Variants in AGMO observed in about 807,000 individuals in gnomAD.
AGMO encodes the protein alkylglycerol monooxygenase.
AGMO carries 75 observed loss-of-function variants against 60.2 expected under a neutral mutation model. The observed-to-expected ratio is 1.25, with a 90% CI of 1.03 to 1.51. AGMO has a LOEUF of 1.51. Among genes scored for constraint, AGMO ranks in the 40% most tolerant of loss-of-function variants. The pLI, the probability that AGMO is intolerant of heterozygous loss-of-function variation, is 0.00. For missense variants in AGMO, 763 were observed against 525.5 expected (o/e 1.45, Z -4.42); for synonymous variants, 261 against 177.1 (o/e 1.47, Z -3.76).
At chr7:15,473,101 C>T (rs1209565229) in intron 3 of AGMO, among the ~76,000 whole-genome samples, 1 of 151,886 alleles carries the variant, frequency 6.6e-6, no homozygotes, top group Non-Finnish European at 1.5e-5. Flanking sequence ...AAACCACAAT[C>T]AAAGAATACT....
chr7:15,195,349 C>T (rs138573715), downstream of AGMO, among the ~76,000 whole-genome samples: 985 of 152,156 alleles, frequency 6.5e-3, 16 homozygotes, highest in African/African-American at 0.023. Context: ...AGATGGGTGC[C>T]CCAGTGGGTC....
chr7:15,543,669 A>G (rs1361826083), intron 3 of AGMO, among the ~76,000 whole-genome samples: 1 of 152,056 alleles, frequency 6.6e-6, no homozygotes, highest in Non-Finnish European at 1.5e-5. Flanking sequence ...TTTAGACTCT[A>G]TCAAGCATAT....
the AGMO span, among the ~76,000 whole-genome samples, chr7:15,184,293 G>GGAGGGAA: frequency 3.4e-5 from 2 of 58,088 alleles, no homozygotes; most frequent in Non-Finnish European, 4.9e-5. Flanking sequence ...AAGGAAGGAA[G>GGAGGGAA]GGAGGCAGGC....
chr7:15,536,272 G>A (rs1784481488), intron 3 of AGMO, among the ~76,000 whole-genome samples: 1 of 151,804 alleles, frequency 6.6e-6, no homozygotes, highest in African/African-American at 2.4e-5. Context: ...AGTACAAAGA[G>A]TTGAACTCAG....
chr7:15,428,710 A>C (rs923132311), intron 4 of AGMO, among the ~76,000 whole-genome samples: 1 of 152,050 alleles, frequency 6.6e-6, no homozygotes, highest in Non-Finnish European at 1.5e-5. Context: ...TCTGAAGTCA[A>C]TGATGCTCTG....
intron 2 of AGMO, among the ~76,000 whole-genome samples, chr7:15,555,170 A>T (rs1226822429): frequency 6.6e-5 from 10 of 151,568 alleles, no homozygotes; most frequent in Non-Finnish European, 1.5e-4. Flanking sequence ...ATTTCTAATA[A>T]TCTTGTTTTA....
intron 12 of AGMO, among the ~76,000 whole-genome samples, chr7:15,349,066 G>A (rs866272425): frequency 6.6e-6 from 1 of 152,082 alleles, no homozygotes; most frequent in African/African-American, 2.4e-5. Flanking sequence ...AACACTTTAT[G>A]AGTACAACAT....
chr7:15,430,194 A>G (rs904744181), intron 4 of AGMO, among the ~76,000 whole-genome samples: 2 of 151,974 alleles, frequency 1.3e-5, no homozygotes, highest in African/African-American at 4.8e-5. Context: ...AGTACCTTGC[A>G]AAGTATTTTG....
rs552935446 is a variant in AGMO, at chr7:15,356,059, G to C, written c.1263+9455C>G. On this transcript the variant is annotated intron_variant, in intron 12 of 12. Transcript: ENST00000342526. ...ACTTAATTTCCCAAATGGACAATAG[G>C]TTAGAAATCTGACAATTACAACTTC... 7.2e-4 allele frequency among the ~76,000 whole-genome samples: 110 copies of C among 152,232 alleles called. 1 individual carries two copies. Among genetic ancestry groups the C allele is most frequent in the African/African-American group, 2.6e-3 (107 of 41,548 alleles).
intron 12 of AGMO, among the ~76,000 whole-genome samples, chr7:15,343,608 T>C (rs1174708857): frequency 6.6e-6 from 1 of 152,192 alleles, no homozygotes; most frequent in Non-Finnish European, 1.5e-5. Flanking sequence ...ATCAAAATTC[T>C]GAATCACATC....
chr7:15,419,160 A>G (rs1713001152), intron 4 of AGMO, among the ~76,000 whole-genome samples: 1 of 151,902 alleles, frequency 6.6e-6, no homozygotes, highest in South Asian at 2.1e-4. Context: ...TGATTGATTG[A>G]TGACATCATA....
chr7:15,195,077 G>A, the AGMO span, among the ~76,000 whole-genome samples: 1 of 152,142 alleles, frequency 6.6e-6, no homozygotes, highest in African/African-American at 2.4e-5. Flanking sequence ...TACAGGGAGA[G>A]CTCCCTTCAG....
chr7:15,142,027 C>A, the AGMO span, among the ~76,000 whole-genome samples: 1 of 152,136 alleles, frequency 6.6e-6, no homozygotes, highest in Non-Finnish European at 1.5e-5. Flanking sequence ...CAGAGTCAAA[C>A]TGCCTGATCC....
rs559087454 is a variant in AGMO, at chr7:15,227,597, T to A, written c.1264-26238A>T. Among the ~76,000 whole-genome samples, 5 of 151,856 alleles carry A rather than the reference T, an allele frequency of 3.3e-5. No homozygotes were observed. In the South Asian group the frequency reaches 1.0e-3, roughly 32 times the overall value. ...TGGCTAAAATCACTTGGGACCAATA[T>A]GGCCAACTGGAGTCTGCACAAAATA... On this transcript the variant is annotated intron_variant, in intron 12 of 12. Coordinates refer to ENST00000342526, the MANE Select transcript of AGMO (RefSeq NM_001004320.2).
intron 3 of AGMO, among the ~76,000 whole-genome samples, chr7:15,456,084 C>T (rs1387761270): frequency 6.6e-6 from 1 of 151,974 alleles, no homozygotes; most frequent in Non-Finnish European, 1.5e-5. Context: ...TTATCTATGT[C>T]TATGTTATTT....
chr7:15,231,698 A>C (rs1256470887), intron 12 of AGMO, among the ~76,000 whole-genome samples: 1 of 152,198 alleles, frequency 6.6e-6, no homozygotes, highest in Non-Finnish European at 1.5e-5. Flanking sequence ...TCTAGGCATT[A>C]CTAAATTATT....
At chr7:15,423,209 T>C (rs1486264437) in intron 4 of AGMO, among the ~76,000 whole-genome samples, 1 of 152,174 alleles carries the variant, frequency 6.6e-6, no homozygotes, top group Admixed American at 6.5e-5. Flanking sequence ...AAAATGTTCA[T>C]CCGAATTCAG....
chr7:15,248,214 A>ATATATATATATATG (rs1402723880), intron 12 of AGMO, among the ~76,000 whole-genome samples: 1,115 of 71,070 alleles, frequency 0.016, 110 homozygotes, highest in Non-Finnish European at 0.025. Context: ...ATATATATAT[A>ATATATATATATATG]TATATATATA....
intron 3 of AGMO, among the ~76,000 whole-genome samples, chr7:15,538,501 T>C (rs1784535161): frequency 6.6e-6 from 1 of 152,150 alleles, no homozygotes; most frequent in Admixed American, 6.6e-5. Context: ...CCCTAGGCGC[T>C]GAGAGTGCTG....
Sources: allele counts gnomAD v4.1 joint callset (sites outside exome capture counted in the v4.1 genomes callset), GRCh38; gene constraint gnomAD v4.1.1; transcripts MANE v1.5; gene names NCBI Gene and HGNC (gene_info 2026-07-23, HGNC 2026-07-21).